The following TENM4 variants were observed in gnomAD, a reference collection of about 807,000 sequenced individuals.
TENM4 encodes the protein teneurin transmembrane protein 4, also known as teneurin-4.
TENM4 carries 82 observed loss-of-function variants against 243.3 expected under a neutral mutation model. That is an observed-to-expected ratio of 0.34 (90% CI 0.28 to 0.40). TENM4 has a LOEUF of 0.40. Among genes scored for constraint, TENM4 ranks in the 10% least tolerant of loss-of-function variants. The probability of loss-of-function intolerance (pLI) is 1.00; values close to 1 mark genes in which losing one functional copy is unlikely to be tolerated. For missense variants in TENM4, 3,138 were observed against 3,673.3 expected (o/e 0.85, Z 3.77); for synonymous variants, 1,412 against 1,456.3 (o/e 0.97, Z 0.69).
chr11:79,365,263 G>C (rs977035672), intron 1 of TENM4, among the ~76,000 whole-genome samples: 2 of 152,098 alleles, frequency 1.3e-5, no homozygotes, highest in African/African-American at 4.8e-5. Context: ...TCTTCCTAAA[G>C]AATAAAGAGT....
At chr11:78,695,683 T>C (rs1858943284) in intron 28 of TENM4, among the ~76,000 whole-genome samples, 1 of 151,982 alleles carries the variant, frequency 6.6e-6, no homozygotes, top group South Asian at 2.1e-4. Context: ...TTTCTTTTTT[T>C]TTTTCTTTCA....
chr11:78,882,776 T>C (rs1855459530), intron 9 of TENM4, among the ~76,000 whole-genome samples: 1 of 152,226 alleles, frequency 6.6e-6, no homozygotes, highest in Non-Finnish European at 1.5e-5. Flanking sequence ...AGCTCTCTAA[T>C]AGCTGCCTTT....
intron 10 of TENM4, among the ~76,000 whole-genome samples, chr11:78,858,429 G>A (rs189662472): frequency 8.5e-5 from 13 of 152,290 alleles, no homozygotes; most frequent in Admixed American, 7.8e-4. Flanking sequence ...AGGGCCTCTG[G>A]TCACCAGTGG....
intron 2 of TENM4, among the ~76,000 whole-genome samples, chr11:79,274,943 C>T (rs1004053107): frequency 1.3e-5 from 2 of 152,158 alleles, no homozygotes; most frequent in Non-Finnish European, 2.9e-5. Flanking sequence ...CAGTGGCTCT[C>T]GCACAGTGCT....
chr11:78,659,763 C>G (rs558349572), intron 33 of TENM4, among the ~76,000 whole-genome samples: 1 of 152,186 alleles, frequency 6.6e-6, no homozygotes, highest in Admixed American at 6.5e-5. Flanking sequence ...GGGGACAGGT[C>G]GGGCCCTGCC....
intron 12 of TENM4, among the ~76,000 whole-genome samples, chr11:78,846,351 C>T (rs1168381940): frequency 1.3e-5 from 2 of 152,192 alleles, no homozygotes; most frequent in South Asian, 4.1e-4. Context: ...CTGCCTCAGA[C>T]CTGTCTATGA....
At chr11:79,036,184 C>T (rs1436293482) in intron 6 of TENM4, among the ~76,000 whole-genome samples, 1 of 152,218 alleles carries the variant, frequency 6.6e-6, no homozygotes, top group Non-Finnish European at 1.5e-5. Context: ...CATTTCTCAT[C>T]AGCTTATGCT....
At chr11:78,915,082 C>G (rs561897322) in intron 6 of TENM4, among the ~76,000 whole-genome samples, 1 of 152,324 alleles carries the variant, frequency 6.6e-6, no homozygotes, top group African/African-American at 2.4e-5. Flanking sequence ...CCCCATAGCT[C>G]GCCACCTCCC....
At chr11:78,692,961 T>G (rs1858862443) in intron 28 of TENM4, among the ~76,000 whole-genome samples, 1 of 152,210 alleles carries the variant, frequency 6.6e-6, no homozygotes, top group Non-Finnish European at 1.5e-5. Flanking sequence ...CTTATTGACC[T>G]CACTATACTT....
intron 4 of TENM4, among the ~76,000 whole-genome samples, chr11:79,138,311 T>TTATA (rs1324975719): frequency 0.02 from 1,967 of 96,074 alleles, 62 homozygotes; most frequent in African/African-American, 0.069. Context: ...AAACTCCCCT[T>TTATA]TATATATATA....
chr11:79,300,734 T>G (rs1231321145), intron 1 of TENM4, among the ~76,000 whole-genome samples: 1 of 152,246 alleles, frequency 6.6e-6, no homozygotes, highest in East Asian at 1.9e-4. Context: ...TCACACTTTT[T>G]CTTTGGGAAT....
Position 79,384,287 on chromosome 11 carries a change from G to A in TENM4, c.-321+56222C>T, listed in dbSNP as rs144796854. 1.3e-3 allele frequency among the ~76,000 whole-genome samples: 205 copies of A among 152,280 alleles called. 2 individuals carry two copies. The highest frequency in any genetic ancestry group is 4.7e-3 in the African/African-American group (196 of 41,556). On this transcript the variant is annotated intron_variant, in intron 1 of 33. Coordinates refer to ENST00000278550, the MANE Select transcript of TENM4 (RefSeq NM_001098816.3). ...AGAGTAACATTGATAGTAATAACAC[G>A]ATGCTGTGCAGGCATGCTTCTTGTT...
chr11:78,904,647 G>A (rs1856023331), intron 6 of TENM4, among the ~76,000 whole-genome samples: 1 of 152,166 alleles, frequency 6.6e-6, no homozygotes, highest in South Asian at 2.1e-4. Flanking sequence ...CTGCAGAGTA[G>A]GGACTGCTTT....
At chr11:78,850,739 T>G (rs1245384284) in intron 12 of TENM4, among the ~76,000 whole-genome samples, 2 of 152,192 alleles carry the variant, frequency 1.3e-5, no homozygotes, top group Non-Finnish European at 2.9e-5. Context: ...AGCTTCCATT[T>G]ATTGAGTGCT....
chr11:79,190,611 TCAAA>T (rs1160754147), intron 3 of TENM4, among the ~76,000 whole-genome samples: 2 of 152,104 alleles, frequency 1.3e-5, no homozygotes, highest in Non-Finnish European at 2.9e-5. Flanking sequence ...GGCAGCCCAT[TCAAA>T]CAGACATACA....
Position 79,265,535 on chromosome 11 carries a change from A to T in TENM4, c.-265+31953T>A, listed in dbSNP as rs1489852610. Among the ~76,000 whole-genome samples, 10 of 80,136 alleles carry T rather than the reference A, an allele frequency of 1.2e-4. No individual in the cohort carries two copies. In the Admixed American group the frequency reaches 1.4e-3, roughly 11 times the overall value. 52.6% of individuals were successfully genotyped at this position (80,136 alleles called of 152,430 possible). On this transcript the variant is annotated intron_variant, in intron 2 of 33. Transcript: ENST00000278550. ...TGTGTTACATGTATGATTAAAATTA[A>T]TTTCCCCTGTTTCTGTTCATTTTTT...
chr11:78,922,288 A>G (rs1455305279), intron 6 of TENM4, among the ~76,000 whole-genome samples: 1 of 152,252 alleles, frequency 6.6e-6, no homozygotes, highest in Non-Finnish European at 1.5e-5. Context: ...ATAGGAGGGC[A>G]GCCTATACCT....
At chr11:79,358,444 C>A (rs550964368) in intron 1 of TENM4, among the ~76,000 whole-genome samples, 1 of 152,154 alleles carries the variant, frequency 6.6e-6, no homozygotes, top group Non-Finnish European at 1.5e-5. Context: ...CTCTGTCAAT[C>A]ATTCATGGGC....
chr11:79,393,312 G>A (rs1459962174), intron 1 of TENM4, among the ~76,000 whole-genome samples: 5 of 149,236 alleles, frequency 3.4e-5, no homozygotes, highest in East Asian at 2.0e-4. Flanking sequence ...TGGTGGAAGC[G>A]ATATTCAAAC....
Sources: allele counts gnomAD v4.1 joint callset (sites outside exome capture counted in the v4.1 genomes callset), GRCh38; gene constraint gnomAD v4.1.1; transcripts MANE v1.5; gene names NCBI Gene and HGNC (gene_info 2026-07-23, HGNC 2026-07-21).